Variants in PCDH9 observed in about 807,000 individuals in gnomAD.
The protein encoded by PCDH9 is protocadherin-9.
PCDH9 carries 24 observed loss-of-function variants against 70.6 expected under a neutral mutation model. That is an observed-to-expected ratio of 0.34 (90% CI 0.25 to 0.48). The LOEUF (loss-of-function observed/expected upper bound fraction) is 0.48, where lower values mean the gene tolerates loss of function less well. Among genes scored for constraint, PCDH9 ranks in the 20% least tolerant of loss-of-function variants. The probability of loss-of-function intolerance (pLI) is 0.99; values close to 1 mark genes in which losing one functional copy is unlikely to be tolerated. For missense variants in PCDH9, 1,281 were observed against 1,503.6 expected (o/e 0.85, Z 2.45); for synonymous variants, 562 against 558.5 (o/e 1.01, Z -0.09).
chr13:66,304,656 T>C lies in PCDH9; in HGVS notation c.3713A>G (p.Ter1238=). 1 of 1,612,052 alleles carries C rather than the reference T, an allele frequency of 6.2e-7. No individual in the cohort carries two copies. Among genetic ancestry groups the C allele is most frequent in the Non-Finnish European group, 8.5e-7 (1 of 1,178,538 alleles). The change falls in exon 5 of 5, where the codon TAA becomes TGA. Residue 1238 remains the stop codon, a stop_retained_variant. Coordinates refer to ENST00000377865, the MANE Select transcript of PCDH9 (RefSeq NM_203487.3). The part of the protein sequence containing the change: ...ATESPKEHQL[*] ...TATTAGGTCCCATATAGCCTTTTCT[T>C]AGAGTTGGTGCTCCTTAGGACTCTC...
At chr13:67,002,431 G>A (rs2084263196) in intron 2 of PCDH9, among the ~76,000 whole-genome samples, 1 of 151,656 alleles carries the variant, frequency 6.6e-6, no homozygotes, top group African/African-American at 2.4e-5. Flanking sequence ...CTGTTAGAAT[G>A]GTAATCAAAT....
intron 3 of PCDH9, among the ~76,000 whole-genome samples, chr13:66,721,182 T>C (rs571874120): frequency 6.6e-6 from 1 of 152,318 alleles, no homozygotes; most frequent in East Asian, 1.9e-4. Context: ...CTGATGATAT[T>C]TGACTAATTT....
At chr13:66,616,206 G>T (rs1440319977) in intron 4 of PCDH9, among the ~76,000 whole-genome samples, 1 of 152,170 alleles carries the variant, frequency 6.6e-6, no homozygotes, top group African/African-American at 2.4e-5. Context: ...CAACTCACAG[G>T]TGTTTGAGGA....
chr13:66,509,584 C>T (rs561412586), intron 4 of PCDH9, among the ~76,000 whole-genome samples: 2 of 152,208 alleles, frequency 1.3e-5, no homozygotes, highest in Admixed American at 1.3e-4. Context: ...GTACTTCTTT[C>T]TCTCTACTCT....
intron 2 of PCDH9, among the ~76,000 whole-genome samples, chr13:66,974,377 C>A (rs1011468329): frequency 2.0e-5 from 3 of 151,862 alleles, no homozygotes; most frequent in Non-Finnish European, 2.9e-5. Context: ...AAGTTACAAC[C>A]CCTTTTCAGA....
intron 4 of PCDH9, among the ~76,000 whole-genome samples, chr13:66,393,210 C>T (rs1957047964): frequency 1.3e-5 from 2 of 152,090 alleles, no homozygotes; most frequent in Admixed American, 1.3e-4. Context: ...AAAACATCTG[C>T]ACACTGATAA....
chr13:66,574,371 C>T (rs959064623), intron 4 of PCDH9, among the ~76,000 whole-genome samples: 1 of 152,138 alleles, frequency 6.6e-6, no homozygotes, highest in Non-Finnish European at 1.5e-5. Flanking sequence ...CCATCTTCCT[C>T]ATGCAAGTGA....
chr13:66,797,960 GGTGTGTGTGTGT>G (rs368524616), intron 3 of PCDH9, among the ~76,000 whole-genome samples: 1 of 147,166 alleles, frequency 6.8e-6, no homozygotes, highest in African/African-American at 2.5e-5. Flanking sequence ...TTTCTTGGGG[GGTGTGTGTGTGT>G]GTGTGTGTGT....
chr13:67,082,573 A>T (rs2086006882), intron 2 of PCDH9, among the ~76,000 whole-genome samples: 1 of 152,154 alleles, frequency 6.6e-6, no homozygotes, highest in Non-Finnish European at 1.5e-5. Context: ...CTCTGATAAG[A>T]CATAATTTAA....
At chr13:66,590,840 C>A (rs1361233802) in intron 4 of PCDH9, among the ~76,000 whole-genome samples, 1 of 151,728 alleles carries the variant, frequency 6.6e-6, no homozygotes, top group Non-Finnish European at 1.5e-5. Context: ...TCTCCATTTA[C>A]ATCCTCATAT....
intron 4 of PCDH9, among the ~76,000 whole-genome samples, chr13:66,571,443 G>T (rs2076731496): frequency 6.6e-6 from 1 of 151,734 alleles, no homozygotes; most frequent in Non-Finnish European, 1.5e-5. Flanking sequence ...GAATGTTATG[G>T]CAAAATATAA....
chr13:66,951,288 A>T (rs2083176326), intron 2 of PCDH9, among the ~76,000 whole-genome samples: 1 of 152,198 alleles, frequency 6.6e-6, no homozygotes, highest in Non-Finnish European at 1.5e-5. Context: ...GACACATCCA[A>T]GGGTTCAGTG....
intron 3 of PCDH9, among the ~76,000 whole-genome samples, chr13:66,652,483 T>C (rs1193240835): frequency 3.3e-5 from 5 of 150,512 alleles, no homozygotes; most frequent in African/African-American, 1.2e-4. Context: ...ATTAAAGAGG[T>C]CACACAAAAA....
chr13:66,593,032 G>A (rs2077056735), intron 4 of PCDH9, among the ~76,000 whole-genome samples: 1 of 151,564 alleles, frequency 6.6e-6, no homozygotes. Context: ...AAGGCCCAAG[G>A]AAAGATACAA....
At chr13:66,368,292 C>G (rs559800154) in intron 4 of PCDH9, among the ~76,000 whole-genome samples, 1 of 151,976 alleles carries the variant, frequency 6.6e-6, no homozygotes, top group African/African-American at 2.4e-5. Flanking sequence ...CCAAGAGATA[C>G]AGCCAAAATG....
intron 2 of PCDH9, among the ~76,000 whole-genome samples, chr13:67,009,010 C>A (rs1205788092): frequency 1.3e-5 from 2 of 152,020 alleles, no homozygotes; most frequent in Non-Finnish European, 2.9e-5. Context: ...TTTTCTAAAA[C>A]AAAACTATTT....
rs577591190 is a variant in PCDH9 at position 66,450,843 on chromosome 13, T to G, written c.3341-145815A>C. Among the ~76,000 whole-genome samples, 206 of 152,142 alleles carry G rather than the reference T, an allele frequency of 1.4e-3. 1 individual carries two copies. Among genetic ancestry groups the G allele is most frequent in the African/African-American group, 4.5e-3 (189 of 41,544 alleles). On this transcript the variant is annotated intron_variant, in intron 4 of 4. Coordinates refer to ENST00000377865, the MANE Select transcript of PCDH9 (RefSeq NM_203487.3). ...ATCCTGGCTAACATGGTGAAACCCC[T>G]TCTCTACTAAAGAAATACAAAAAAA...
At chr13:66,925,206 T>C (rs1021642882) in intron 2 of PCDH9, among the ~76,000 whole-genome samples, 1 of 151,726 alleles carries the variant, frequency 6.6e-6, no homozygotes, top group Non-Finnish European at 1.5e-5. Flanking sequence ...GTTCAGAGAG[T>C]TTAAAATACA....
chr13:67,143,035 GA>G (rs2087435711), intron 2 of PCDH9, among the ~76,000 whole-genome samples: 1 of 151,518 alleles, frequency 6.6e-6, no homozygotes, highest in Non-Finnish European at 1.5e-5. Context: ...AAATAAGAAA[GA>G]AAGAAAGAAA....
Sources: allele counts gnomAD v4.1 joint callset (sites outside exome capture counted in the v4.1 genomes callset), GRCh38; gene constraint gnomAD v4.1.1; transcripts MANE v1.5; gene names NCBI Gene and HGNC (gene_info 2026-07-23, HGNC 2026-07-21).